The following GFOD1 variants were observed in gnomAD, a reference collection of about 807,000 sequenced individuals.
GFOD1 encodes Gfo/Idh/MocA-like oxidoreductase domain containing 1.
GFOD1 carries 9 observed loss-of-function variants against 25.4 expected under a neutral mutation model. The ratio of observed to expected loss-of-function variants is 0.35; its 90% CI spans 0.21 to 0.62. The LOEUF is 0.62. Among genes scored for constraint, GFOD1 ranks in the 20% least tolerant of loss-of-function variants. The pLI is 0.72. For synonymous variants in GFOD1, 253 were observed against 245.6 expected (o/e 1.03, Z -0.28); for missense variants, 403 against 556.9 (o/e 0.72, Z 2.78).
intron 1 of GFOD1, among the ~76,000 whole-genome samples, chr6:13,398,716 C>A (rs544955798): frequency 1.3e-5 from 2 of 152,316 alleles, no homozygotes; most frequent in South Asian, 4.1e-4. Flanking sequence ...CAGCACCTCA[C>A]TGCCGCCTGC....
chr6:13,439,392 ACTGT>A (rs943924636), intron 1 of GFOD1, among the ~76,000 whole-genome samples: 3 of 152,228 alleles, frequency 2.0e-5, no homozygotes, highest in Non-Finnish European at 4.4e-5. Context: ...AGAGTATCTG[ACTGT>A]CTCTGTCAAA....
At chr6:13,393,070 A>G (rs1026384975) in intron 1 of GFOD1, among the ~76,000 whole-genome samples, 2 of 151,240 alleles carry the variant, frequency 1.3e-5, no homozygotes, top group African/African-American at 4.9e-5. Context: ...GAAAGAAGAA[A>G]AAGGGCTGGG....
At chr6:13,414,936 A>G (rs577834744) in intron 1 of GFOD1, among the ~76,000 whole-genome samples, 2 of 152,336 alleles carry the variant, frequency 1.3e-5, no homozygotes, top group Admixed American at 6.5e-5. Context: ...AACAAATGCA[A>G]GGGCTAGAAA....
rs892769634 is a variant in GFOD1 at position 13,363,153 on chromosome 6, A to G, written c.*1590T>C. ...GATTGGCTCTTTCTTTCAAGACCAG[A>G]TCTGAATTTTTAAAGAATGGTTTCA... On this transcript the variant is annotated 3_prime_UTR_variant, in exon 2 of 2. Coordinates refer to ENST00000379287, the MANE Select transcript of GFOD1 (RefSeq NM_018988.4). 6.6e-6 allele frequency: 1 copy of G among 152,232 alleles called. No individual in the cohort carries two copies. Among genetic ancestry groups the G allele is most frequent in the African/African-American group, 2.4e-5 (1 of 41,458 alleles). The allele number at this position is 152,232 out of a possible 1,614,324, so 9.4% of individuals were successfully genotyped here.
At chr6:13,422,217 A>G (rs964037949) in intron 1 of GFOD1, among the ~76,000 whole-genome samples, 5 of 152,238 alleles carry the variant, frequency 3.3e-5, no homozygotes, top group African/African-American at 1.2e-4. Context: ...TGACAACAAA[A>G]TGAACAAGAA....
chr6:13,382,352 G>C (rs921132955), intron 1 of GFOD1, among the ~76,000 whole-genome samples: 1 of 151,624 alleles, frequency 6.6e-6, no homozygotes, highest in Non-Finnish European at 1.5e-5. Context: ...AATCATGGGG[G>C]GGGGGGTTCT....
At chr6:13,400,878 C>G (rs141187116) in intron 1 of GFOD1, among the ~76,000 whole-genome samples, 268 of 152,262 alleles carry the variant, frequency 1.8e-3, no homozygotes, top group Non-Finnish European at 2.7e-3. Flanking sequence ...AAGAAAGAGG[C>G]ACGAGAGTCC....
chr6:13,371,820 C>T (rs1785159704), intron 1 of GFOD1, among the ~76,000 whole-genome samples: 1 of 152,110 alleles, frequency 6.6e-6, no homozygotes, highest in Non-Finnish European at 1.5e-5. Context: ...ACCATCACGC[C>T]ACGGCTCCAT....
chr6:13,404,145 A>G (rs1278842638), intron 1 of GFOD1, among the ~76,000 whole-genome samples: 1 of 152,262 alleles, frequency 6.6e-6, no homozygotes, highest in Non-Finnish European at 1.5e-5. Context: ...ATTGACTATC[A>G]TTTTAATGCA....
chr6:13,410,017 T>A, intron 1 of GFOD1, among the ~76,000 whole-genome samples: 1 of 149,734 alleles, frequency 6.7e-6, no homozygotes, highest in Non-Finnish European at 1.5e-5. Flanking sequence ...TTTTTTTTTT[T>A]TTTTTTTTAG....
chr6:13,413,413 A>G (rs570388941), intron 1 of GFOD1, among the ~76,000 whole-genome samples: 139 of 152,348 alleles, frequency 9.1e-4, no homozygotes, highest in Non-Finnish European at 1.5e-3. Flanking sequence ...ACAAGTAATG[A>G]GCACACATGC....
intron 1 of GFOD1, among the ~76,000 whole-genome samples, chr6:13,374,797 C>T (rs1785227658): frequency 7.7e-6 from 1 of 129,830 alleles, no homozygotes; most frequent in African/African-American, 2.8e-5. Context: ...GGCTGGAGTG[C>T]AACAGTGCAA....
intron 1 of GFOD1, among the ~76,000 whole-genome samples, chr6:13,468,442 T>G (rs1758416005): frequency 6.6e-6 from 1 of 152,264 alleles, no homozygotes; most frequent in African/African-American, 2.4e-5. Context: ...AAGGCTTCAC[T>G]GAACACTATT....
intron 1 of GFOD1, among the ~76,000 whole-genome samples, chr6:13,462,746 C>T (rs922994476): frequency 2.6e-5 from 4 of 152,096 alleles, no homozygotes; most frequent in South Asian, 2.1e-4. Flanking sequence ...AAATCCTATC[C>T]GCCAAACCTC....
At chr6:13,413,596 G>A (rs1043197662) in intron 1 of GFOD1, among the ~76,000 whole-genome samples, 2 of 152,190 alleles carry the variant, frequency 1.3e-5, no homozygotes, top group Non-Finnish European at 2.9e-5. Flanking sequence ...AGTGAGGCAG[G>A]CTGAAAAGAA....
intron 1 of GFOD1, among the ~76,000 whole-genome samples, chr6:13,464,389 C>T (rs1184537092): frequency 6.6e-6 from 1 of 152,190 alleles, no homozygotes; most frequent in Admixed American, 6.5e-5. Flanking sequence ...ATCCTTACCA[C>T]AGAACGAAGA....
At chr6:13,434,938 T>C (rs1757810494) in intron 1 of GFOD1, among the ~76,000 whole-genome samples, 1 of 152,234 alleles carries the variant, frequency 6.6e-6, no homozygotes, top group Admixed American at 6.5e-5. Flanking sequence ...GCAAGGTCAC[T>C]GCAGAAACTC....
chr6:13,450,139 T>A (rs1286053419), intron 1 of GFOD1, among the ~76,000 whole-genome samples: 1 of 152,102 alleles, frequency 6.6e-6, no homozygotes, highest in East Asian at 1.9e-4. Context: ...ATTTCTGTGA[T>A]TTTTTACCCC....
chr6:13,424,619 C>A (rs188764828), intron 1 of GFOD1, among the ~76,000 whole-genome samples: 14 of 152,198 alleles, frequency 9.2e-5, no homozygotes, highest in African/African-American at 2.9e-4. Context: ...ACAGTATAAT[C>A]ATTATTTTGT....
Sources: allele counts gnomAD v4.1 joint callset (sites outside exome capture counted in the v4.1 genomes callset), GRCh38; gene constraint gnomAD v4.1.1; transcripts MANE v1.5; gene names NCBI Gene and HGNC (gene_info 2026-07-23, HGNC 2026-07-21).